Variants in PDIK1L observed in about 807,000 individuals in gnomAD.
PDIK1L encodes serine/threonine-protein kinase PDIK1L.
PDIK1L carries 9 observed loss-of-function variants against 27.1 expected under a neutral mutation model. That is an observed-to-expected ratio of 0.33 (90% CI 0.20 to 0.58). The LOEUF (loss-of-function observed/expected upper bound fraction) is 0.58. PDIK1L is among the 20% of genes least tolerant of loss of function. The pLI, the probability that PDIK1L is intolerant of heterozygous loss-of-function variation, is 0.86. For missense variants in PDIK1L, 216 were observed against 413.2 expected (o/e 0.52, Z 4.14); for synonymous variants, 130 against 141.7 (o/e 0.92, Z 0.59).
In PDIK1L at chr1:26,114,688, A is replaced by AT; in HGVS notation, c.285+96dup. The AT allele has an allele frequency of 7.4e-7, 1 of 1,353,068 alleles. No individual in the cohort carries two copies. The highest frequency in any genetic ancestry group is 1.4e-5 in the South Asian group (1 of 72,384). 83.8% of individuals were successfully genotyped at this position (1,353,068 alleles called of 1,614,324 possible). On this transcript the variant is annotated intron_variant, in intron 2 of 2. Coordinates refer to ENST00000374269, the MANE Select transcript of PDIK1L (RefSeq NM_152835.5). The surrounding 1 kb of genome is among the most constrained non-coding windows in gnomAD (Gnocchi z 4.8). ...GGGTCAGACGAACGTTTCCCTTTAA[A>AT]TGCAGGTGTTTGTAGTTAGAAGTAG...
Position 26,114,342 on chromosome 1 carries a change from C to T in PDIK1L, c.34C>T (p.Arg12Trp), listed in dbSNP as rs1440436327. Residue 12 changes from arginine to tryptophan, a missense_variant, in exon 2 of 3, where the codon CGG becomes TGG. By Grantham distance (101) the Arg-to-Trp change is moderately radical. This residue lies in a region of PDIK1L where 47 missense variants were observed against 47.2 expected (regional missense o/e 1.00). Transcript: ENST00000374269. The surrounding 1 kb of genome is among the most constrained non-coding windows in gnomAD (Gnocchi z 4.8). ...TAGCCAGCCAAAGTACGATCTAATA[C>T]GGGAGGTAGGCCGAGGTAGTTACGG... Reference protein sequence around the residue: ...VSSQPKYDLIREVGRGSYGVV... With the variant: ...VSSQPKYDLIWEVGRGSYGVV... 4 of 1,613,722 alleles carry T rather than the reference C, an allele frequency of 2.5e-6. No homozygotes were observed. The highest frequency in any genetic ancestry group is 3.4e-6 in the Non-Finnish European group (4 of 1,179,864).
Position 26,122,596 on chromosome 1 carries a change from A to G in PDIK1L, c.*19A>G. 6.3e-7 allele frequency: 1 copy of G among 1,582,462 alleles called. No homozygotes were observed. Among genetic ancestry groups the G allele is most frequent in the Non-Finnish European group, 8.6e-7 (1 of 1,164,606 alleles). On this transcript the variant is annotated 3_prime_UTR_variant, in exon 3 of 3. Coordinates refer to ENST00000374269, the MANE Select transcript of PDIK1L (RefSeq NM_152835.5). This position sits in a 1 kb window ranked among gnomAD's most constrained non-coding sequence, Gnocchi z 5.4. ...AACGTGACACATATTATTTGCAAAT[A>G]CCATGGATGATATGCTGCTTCTGTT...
rs1036382184 is a variant in PDIK1L, at chr1:26,122,702, G to T, written c.*125G>T. The T allele has an allele frequency of 1.7e-6, 2 of 1,202,710 alleles. No homozygotes were observed. The highest frequency in any genetic ancestry group is 1.1e-6 in the Non-Finnish European group (1 of 924,642). 74.5% of individuals were successfully genotyped at this position (1,202,710 alleles called of 1,614,324 possible). A position where few individuals can be genotyped will look rare whatever the true frequency, so the allele number is the denominator to read the frequency against. On this transcript the variant is annotated 3_prime_UTR_variant, in exon 3 of 3. Transcript: ENST00000374269. The surrounding 1 kb of genome is among the most constrained non-coding windows in gnomAD (Gnocchi z 5.4). ...CCTCTAAGGGTTTAGATTTTTTGTG[G>T]GATTTTTTTTTTCCTCATTTTTCTT...
intron 2 of PDIK1L, among the ~76,000 whole-genome samples, chr1:26,119,281 G>T (rs765627017): frequency 6.6e-6 from 1 of 152,120 alleles, no homozygotes; most frequent in Non-Finnish European, 1.5e-5. Context: ...GGTGGTGCAT[G>T]CCTGTAGTCT....
chr1:26,120,326 CAGA>C (rs1281381936), intron 2 of PDIK1L, among the ~76,000 whole-genome samples: 3 of 152,248 alleles, frequency 2.0e-5, no homozygotes, highest in South Asian at 2.1e-4. Context: ...AGAGTAAAGA[CAGA>C]AGAAGAAAAG....
chr1:26,121,635 G>A (rs994685686), intron 2 of PDIK1L, among the ~76,000 whole-genome samples: 2 of 152,158 alleles, frequency 1.3e-5, no homozygotes, highest in Admixed American at 6.5e-5. Context: ...GAGCTTTGGT[G>A]TATATTTATC....
rs1044065733 is a variant in PDIK1L, at chr1:26,123,957, T to C, written c.*1380T>C. On this transcript the variant is annotated 3_prime_UTR_variant, in exon 3 of 3. Coordinates refer to ENST00000374269, the MANE Select transcript of PDIK1L (RefSeq NM_152835.5). ...GTTAAAATCTAAAGGATAGAATGCT[T>C]TCCTAAAACAGAACATTAGCCTTTA... 1.8e-4 allele frequency: 28 copies of C among 152,636 alleles called. 1 individual carries two copies. Among genetic ancestry groups the C allele is most frequent in the Admixed American group, 1.8e-3 (28 of 15,266 alleles). The allele number at this position is 152,636 out of a possible 1,614,324, so 9.5% of individuals were successfully genotyped here.
intron 1 of PDIK1L, among the ~76,000 whole-genome samples, chr1:26,113,874 G>A (rs993749271): frequency 3.9e-5 from 6 of 152,142 alleles, no homozygotes; most frequent in African/African-American, 1.4e-4. Context: ...TTTTCAAGCA[G>A]TTCATATAAG....
chr1:26,120,700 TCCC>T (rs1481490729), intron 2 of PDIK1L, among the ~76,000 whole-genome samples: 2 of 152,204 alleles, frequency 1.3e-5, no homozygotes, highest in Non-Finnish European at 2.9e-5. Flanking sequence ...ATGCCTATAG[TCCC>T]AGCACTTTGG....
At chr1:26,112,093 C>T (rs888496701) in intron 1 of PDIK1L, among the ~76,000 whole-genome samples, 178 bp downstream of exon 1, 1 of 152,116 alleles carries the variant, frequency 6.6e-6, no homozygotes, top group African/African-American at 2.4e-5. Context: ...GGGGCCACCT[C>T]CCCCCGGCCC....
At chr1:26,112,530 A>C (rs2087814784) in intron 1 of PDIK1L, 1 of 152,296 alleles carries the variant, frequency 6.6e-6, no homozygotes, top group Non-Finnish European at 1.5e-5. Flanking sequence ...GACACGAACC[A>C]CCTTGAGTGG....
rs1213512173 is a variant in PDIK1L at position 26,124,021 on chromosome 1, T to C, written c.*1444T>C. ...TTTACATTGTATCTAAGTTAATCTT[T>C]ATAAAGCACTAGAATTTTTGGTCAA... On this transcript the variant is annotated 3_prime_UTR_variant, in exon 3 of 3. Transcript: ENST00000374269. 1 of 152,680 alleles carries C rather than the reference T, an allele frequency of 6.5e-6. No homozygotes were observed. Among genetic ancestry groups the C allele is most frequent in the Non-Finnish European group, 1.5e-5 (1 of 68,032 alleles). The allele number at this position is 152,680 out of a possible 1,614,324, so 9.5% of individuals were successfully genotyped here.
chr1:26,112,088 C>T (rs538316719), intron 1 of PDIK1L, among the ~76,000 whole-genome samples, 173 bp downstream of exon 1: 2 of 152,282 alleles, frequency 1.3e-5, no homozygotes, highest in South Asian at 2.1e-4. Context: ...ATACCGGGGC[C>T]ACCTCCCCCC....
intron 2 of PDIK1L, 85 bp from the exon 3 acceptor site, chr1:26,121,752 A>G (rs2087992691): frequency 7.3e-7 from 1 of 1,372,312 alleles, no homozygotes; most frequent in African/African-American, 1.5e-5. Flanking sequence ...GTGGAGACTG[A>G]CTTAACCTTT....
chr1:26,122,608 AT>A lies in PDIK1L; in HGVS notation c.*32del. 6.4e-7 allele frequency: 1 copy of A among 1,567,050 alleles called. No homozygotes were observed. Among genetic ancestry groups the A allele is most frequent in the Non-Finnish European group, 8.6e-7 (1 of 1,157,766 alleles). On this transcript the variant is annotated 3_prime_UTR_variant, in exon 3 of 3. Transcript: ENST00000374269. This position sits in a 1 kb window ranked among gnomAD's most constrained non-coding sequence, Gnocchi z 5.4. ...ATTATTTGCAAATACCATGGATGAT[AT>A]GCTGCTTCTGTTTAACAGTGATGCA...
rs2088032397 is a variant in PDIK1L, at chr1:26,123,741, T to C, written c.*1164T>C. 1 of 152,672 alleles carries C rather than the reference T, an allele frequency of 6.5e-6. No individual in the cohort carries two copies. The highest frequency in any genetic ancestry group is 1.5e-5 in the Non-Finnish European group (1 of 68,034). 9.5% of individuals were successfully genotyped at this position (152,672 alleles called of 1,614,324 possible). A position where few individuals can be genotyped will look rare whatever the true frequency, so the allele number is the denominator to read the frequency against. On this transcript the variant is annotated 3_prime_UTR_variant, in exon 3 of 3. Transcript: ENST00000374269. ...CACCTTTATCTAAAGTGGGAGAAGA[T>C]ACATACACAGTATGGCAAATGGATA...
At chr1:26,113,579 A>G (rs556446832) in intron 1 of PDIK1L, among the ~76,000 whole-genome samples, 1 of 151,538 alleles carries the variant, frequency 6.6e-6, no homozygotes, top group Non-Finnish European at 1.5e-5. Flanking sequence ...AGGAGATGAC[A>G]TAAGAGACAA....
chr1:26,121,769 T>C, intron 2 of PDIK1L, 68 bp from the exon 3 acceptor site: 13 of 1,458,178 alleles, frequency 8.9e-6, no homozygotes, highest in South Asian at 1.4e-5. Flanking sequence ...CTTTCAATTA[T>C]TATTTTCCTA....
intron 1 of PDIK1L, among the ~76,000 whole-genome samples, chr1:26,113,001 G>T (rs1281053705): frequency 6.6e-6 from 1 of 152,200 alleles, no homozygotes; most frequent in African/African-American, 2.4e-5. Context: ...GAATTCCCAA[G>T]AACTCTGTCA....
Sources: allele counts gnomAD v4.1 joint callset (sites outside exome capture counted in the v4.1 genomes callset), GRCh38; gene constraint gnomAD v4.1.1; regional missense constraint gnomAD v4.1.1; non-coding constraint Gnocchi (gnomAD v3.1); transcripts MANE v1.5; gene names NCBI Gene and HGNC (gene_info 2026-07-23, HGNC 2026-07-21).